The following COL23A1 variants were observed in gnomAD, a reference collection of about 807,000 sequenced individuals.
COL23A1 encodes collagen alpha-1(XXIII) chain.
A neutral mutation model predicts 99.3 loss-of-function variants in COL23A1; 97 were observed. The observed-to-expected ratio is 0.98, with a 90% CI of 0.83 to 1.16. The LOEUF (loss-of-function observed/expected upper bound fraction) is 1.16, where lower values mean the gene tolerates loss of function less well. Among genes scored for constraint, COL23A1 ranks in the 50% most tolerant of loss-of-function variants. The pLI is 0.00. For synonymous variants in COL23A1, 320 were observed against 308.2 expected (o/e 1.04, Z -0.40); for missense variants, 762 against 757.4 (o/e 1.01, Z -0.07).
At chr5:178,399,413 T>C (rs1764317721) in intron 2 of COL23A1, among the ~76,000 whole-genome samples, 1 of 152,222 alleles carries the variant, frequency 6.6e-6, no homozygotes, top group Non-Finnish European at 1.5e-5. Context: ...GCTAGCCCAG[T>C]CCAACACTTT....
At chr5:178,370,877 G>C (rs1762763556) in intron 2 of COL23A1, among the ~76,000 whole-genome samples, 1 of 152,194 alleles carries the variant, frequency 6.6e-6, no homozygotes, top group Non-Finnish European at 1.5e-5. Context: ...AGGAGGTCAA[G>C]GTTGCAGTGA....
intron 2 of COL23A1, among the ~76,000 whole-genome samples, chr5:178,523,201 T>TATATATATATAGAGAGAG (rs1223542330): frequency 6.4e-5 from 5 of 77,614 alleles, no homozygotes; most frequent in Admixed American, 1.9e-4. Context: ...TATATATATA[T>TATATATATATAGAGAGAG]AGAGAGAGAG....
chr5:178,342,164 G>A (rs767841643), intron 2 of COL23A1, among the ~76,000 whole-genome samples: 21 of 152,148 alleles, frequency 1.4e-4, no homozygotes, highest in Admixed American at 2.0e-4. Context: ...TGCTGAGTGC[G>A]GCTGCAGTTC....
chr5:178,405,381 G>GT (rs1429849561), intron 2 of COL23A1, among the ~76,000 whole-genome samples: 1 of 152,150 alleles, frequency 6.6e-6, no homozygotes, highest in Non-Finnish European at 1.5e-5. Flanking sequence ...TTCAATTTTT[G>GT]TATTTTCTTT....
Position 178,366,236 on chromosome 5 carries a change from C to T in COL23A1, c.362-59317G>A, listed in dbSNP as rs1278085000. Among the ~76,000 whole-genome samples the T allele has an allele frequency of 6.6e-6, 1 of 152,210 alleles. No individual in the cohort carries two copies. Among genetic ancestry groups the T allele is most frequent in the Non-Finnish European group, 1.5e-5 (1 of 68,038 alleles). On this transcript the variant is annotated intron_variant, in intron 2 of 28. Coordinates refer to ENST00000390654, the MANE Select transcript of COL23A1 (RefSeq NM_173465.4). This position sits in a 1 kb window ranked among gnomAD's most constrained non-coding sequence, Gnocchi z 4.4. ...GCAACTCTGCTGGCTGAAGGGCCTG[C>T]TCCCAGCCCAGCTTGGCTGTCCAGT...
intron 1 of COL23A1, among the ~76,000 whole-genome samples, chr5:178,584,565 A>G (rs1398384669): frequency 6.6e-6 from 1 of 152,090 alleles, no homozygotes; most frequent in East Asian, 1.9e-4. Context: ...TTGAGGGTAA[A>G]AGGATCCAAA....
intron 3 of COL23A1, among the ~76,000 whole-genome samples, chr5:178,295,418 T>C (rs1390058314): frequency 6.6e-6 from 1 of 152,134 alleles, no homozygotes; most frequent in African/African-American, 2.4e-5. Flanking sequence ...TCTTCATTCA[T>C]AATAAAAGAA....
intron 22 of COL23A1, among the ~76,000 whole-genome samples, 183 bp from the exon 23 acceptor site, chr5:178,246,636 C>T (rs560709354): frequency 2.0e-5 from 3 of 152,138 alleles, no homozygotes; most frequent in East Asian, 3.9e-4. Context: ...ATGCGCATTG[C>T]GCCTTTTCCA....
chr5:178,504,515 C>T (rs1388066838), intron 2 of COL23A1, among the ~76,000 whole-genome samples: 2 of 152,066 alleles, frequency 1.3e-5, no homozygotes, highest in Non-Finnish European at 2.9e-5. Flanking sequence ...AGCCAGAGAG[C>T]AAGGTTTGAG....
chr5:178,344,319 G>C (rs1445979759), intron 2 of COL23A1, among the ~76,000 whole-genome samples: 1 of 152,200 alleles, frequency 6.6e-6, no homozygotes, highest in Non-Finnish European at 1.5e-5. Flanking sequence ...ATTTTACACA[G>C]TTGTTTAGGG....
intron 2 of COL23A1, among the ~76,000 whole-genome samples, chr5:178,515,304 T>C (rs529784009): frequency 3.8e-4 from 58 of 152,358 alleles, no homozygotes; most frequent in African/African-American, 1.3e-3. Context: ...GGCAGTTTCC[T>C]TCTGCAGTCT....
intron 2 of COL23A1, among the ~76,000 whole-genome samples, chr5:178,359,952 G>A (rs924844016): frequency 6.6e-6 from 1 of 152,176 alleles, no homozygotes; most frequent in South Asian, 2.1e-4. Context: ...AGCAGGGGTG[G>A]GGTTAAGGGT....
At chr5:178,298,168 C>T (rs1374715880) in intron 3 of COL23A1, among the ~76,000 whole-genome samples, 1 of 152,164 alleles carries the variant, frequency 6.6e-6, no homozygotes, top group Non-Finnish European at 1.5e-5. Flanking sequence ...CTGGGAAATA[C>T]GTGAAAGCAT....
chr5:178,518,617 C>T (rs1263165094), intron 2 of COL23A1, among the ~76,000 whole-genome samples: 4,046 of 110,380 alleles, frequency 0.037, 147 homozygotes, highest in East Asian at 0.16. Flanking sequence ...ACATCTCAGA[C>T]GATGGGCGGC....
chr5:178,312,186 G>A (rs904898730), intron 2 of COL23A1, among the ~76,000 whole-genome samples: 2 of 152,152 alleles, frequency 1.3e-5, no homozygotes, highest in East Asian at 1.9e-4. Context: ...GTGGGAAGCC[G>A]GGAGCTTTCC....
chr5:178,466,632 T>A (rs567358035), intron 2 of COL23A1, among the ~76,000 whole-genome samples: 4 of 152,374 alleles, frequency 2.6e-5, no homozygotes, highest in Admixed American at 2.0e-4. Context: ...GTTTCCTGTG[T>A]CCCTGCTGCT....
intron 2 of COL23A1, among the ~76,000 whole-genome samples, chr5:178,552,414 A>T (rs1339115764): frequency 6.6e-6 from 1 of 152,126 alleles, no homozygotes; most frequent in Non-Finnish European, 1.5e-5. Context: ...ACCTCCTTTC[A>T]CTTGGCAGAG....
chr5:178,272,186 C>G (rs1203148780), intron 5 of COL23A1, among the ~76,000 whole-genome samples: 4 of 152,244 alleles, frequency 2.6e-5, no homozygotes, highest in Admixed American at 6.5e-5. Flanking sequence ...GCTCGTCCCC[C>G]GGGACAGCCT....
chr5:178,252,686 C>T, intron 16 of COL23A1, 89 bp from the exon 17 acceptor site: 6 of 1,134,078 alleles, frequency 5.3e-6, no homozygotes, highest in Non-Finnish European at 7.7e-6. Flanking sequence ...GAATCAAGTC[C>T]CCGTCCAGCT....
Sources: gnomAD v4.1 joint callset for allele counts (sites outside exome capture counted in the v4.1 genomes callset) on GRCh38, gnomAD v4.1.1 for gene constraint, Gnocchi (gnomAD v3.1) non-coding constraint, MANE v1.5 for transcripts, NCBI Gene and HGNC (gene_info 2026-07-23, HGNC 2026-07-21) for gene names.